The following AIM2 variants were observed in gnomAD, a reference collection of about 807,000 sequenced individuals.
The protein encoded by AIM2 is absent in melanoma 2.
AIM2 carries 30 observed loss-of-function variants against 27.7 expected under a neutral mutation model. That is an observed-to-expected ratio of 1.08 (90% CI 0.81 to 1.47). The LOEUF (loss-of-function observed/expected upper bound fraction) is 1.47. Ranked by LOEUF, AIM2 falls within the 40% of genes most tolerant of loss-of-function variation. The pLI, the probability that AIM2 is intolerant of heterozygous loss-of-function variation, is 0.00. For synonymous variants in AIM2, 141 were observed against 145.3 expected, an observed-to-expected ratio of 0.97 and a Z score of 0.21; for missense variants, 358 against 411.3, an observed-to-expected ratio of 0.87 and a Z score of 1.12.
At chr1:159,128,100 T>C (rs1313338362) in intron 1 of AIM2, among the ~76,000 whole-genome samples, 1 of 152,234 alleles carries the variant, frequency 6.6e-6, no homozygotes, top group Admixed American at 6.5e-5. Context: ...GTCAGGACTT[T>C]GTATGTCTTG....
chr1:159,131,570 A>G (rs545430063), intron 1 of AIM2, among the ~76,000 whole-genome samples: 18 of 152,342 alleles, frequency 1.2e-4, no homozygotes, highest in South Asian at 8.3e-4. Flanking sequence ...CACTATACTC[A>G]GGTTAAGACA....
intron 2 of AIM2, among the ~76,000 whole-genome samples, chr1:159,072,994 G>A (rs12132363): frequency 1.3e-5 from 2 of 152,182 alleles, no homozygotes; most frequent in African/African-American, 4.8e-5. Flanking sequence ...GATGTTAAAT[G>A]GAAGTGGTAA....
chr1:159,065,802 T>A (rs1216710727), intron 4 of AIM2, 108 bp downstream of exon 4: 1 of 1,189,646 alleles, frequency 8.4e-7, no homozygotes, highest in Non-Finnish European at 1.1e-6. Flanking sequence ...TATTTTTTTA[T>A]TTTGTCTATA....
chr1:159,068,784 A>T (rs1045665719), intron 2 of AIM2, 83 bp from the exon 3 acceptor site: 2 of 1,348,118 alleles, frequency 1.5e-6, no homozygotes, highest in Non-Finnish European at 2.0e-6. Context: ...AGGAATAAAT[A>T]CTAAAACCAT....
chr1:159,098,152 T>C (rs1482678169), intron 1 of AIM2, among the ~76,000 whole-genome samples: 1 of 149,790 alleles, frequency 6.7e-6, no homozygotes, highest in African/African-American at 2.5e-5. Context: ...CAAATCCTTT[T>C]GAGACAGAAT....
Position 159,067,863 on chromosome 1 carries a change from G to A in AIM2, c.396+705C>T, listed in dbSNP as rs577751312. The stretch of plus-strand genomic sequence containing the variant: ...GGATTCTGTGCTGGGCCTTTCTAAC[G>A]TTGTCTGCCACTCCCTCAGGACTAA... On this transcript the variant is annotated intron_variant, in intron 3 of 5. Transcript: ENST00000368130. Among the ~76,000 whole-genome samples the A allele has an allele frequency of 5.3e-5, 8 of 152,122 alleles. No homozygotes were observed. The South Asian group carries it at 1.7e-3, about 32-fold the overall frequency.
At chr1:159,139,516 C>A (rs911183941) in intron 1 of AIM2, among the ~76,000 whole-genome samples, 20 of 152,294 alleles carry the variant, frequency 1.3e-4, no homozygotes, top group African/African-American at 4.8e-4. Flanking sequence ...GTAGGAAAGA[C>A]AATATACTCT....
chr1:159,060,102 A>G (rs1269092465), downstream of AIM2, among the ~76,000 whole-genome samples: 1 of 152,232 alleles, frequency 6.6e-6, no homozygotes, highest in African/African-American at 2.4e-5. Flanking sequence ...AAATACCTAT[A>G]TGTGGAATTA....
the AIM2 span, among the ~76,000 whole-genome samples, chr1:159,057,067 A>G: frequency 0.063 from 9,622 of 152,220 alleles, 401 homozygotes; most frequent in African/African-American, 0.12. Flanking sequence ...GCAGATACCC[A>G]TGGTACATGA....
At chr1:159,115,469 C>T (rs1647307782) in intron 1 of AIM2, among the ~76,000 whole-genome samples, 1 of 152,148 alleles carries the variant, frequency 6.6e-6, no homozygotes, top group Non-Finnish European at 1.5e-5. Flanking sequence ...CAGCATGGTA[C>T]TGGTACAAAA....
At chr1:159,079,490 A>G (rs1183405507), upstream of AIM2, among the ~76,000 whole-genome samples, 2 of 152,218 alleles carry the variant, frequency 1.3e-5, no homozygotes, top group Non-Finnish European at 2.9e-5. Context: ...AATTTGATGA[A>G]TGAGAAAGAA....
upstream of AIM2, among the ~76,000 whole-genome samples, chr1:159,144,139 G>A (rs1648162950): frequency 6.6e-6 from 1 of 152,174 alleles, no homozygotes; most frequent in South Asian, 2.1e-4. Flanking sequence ...TCATGAGGCA[G>A]AGTGTTTGTC....
chr1:159,095,712 G>T (rs1657165699), intron 1 of AIM2, among the ~76,000 whole-genome samples: 1 of 152,132 alleles, frequency 6.6e-6, no homozygotes, highest in Admixed American at 6.5e-5. Context: ...AAGGATGCTT[G>T]GAAATCTGTA....
chr1:159,062,238 A>C (rs1283439632), downstream of AIM2, among the ~76,000 whole-genome samples: 1 of 152,204 alleles, frequency 6.6e-6, no homozygotes, highest in Non-Finnish European at 1.5e-5. Flanking sequence ...TTTCTAAATC[A>C]TTGCCCTATG....
At chr1:159,073,764 G>A (rs1570946926) in intron 1 of AIM2, among the ~76,000 whole-genome samples, 1 of 152,248 alleles carries the variant, frequency 6.6e-6, no homozygotes, top group African/African-American at 2.4e-5. Flanking sequence ...AGCTGGGCGC[G>A]GTAGCTCACG....
upstream of AIM2, among the ~76,000 whole-genome samples, chr1:159,141,717 G>GA (rs960973116): frequency 6.6e-6 from 1 of 151,874 alleles, no homozygotes; most frequent in African/African-American, 2.4e-5. Flanking sequence ...CACCAGAACT[G>GA]AAAAAGCACA....
intron 1 of AIM2, chr1:159,132,211 AAAAG>A (rs950236321): frequency 6.6e-6 from 1 of 151,210 alleles, no homozygotes; most frequent in African/African-American, 2.4e-5. Context: ...AAAAAAAAAA[AAAAG>A]AAAATAGCTG....
chr1:159,127,150 C>T (rs760161912), intron 1 of AIM2, among the ~76,000 whole-genome samples: 4 of 152,102 alleles, frequency 2.6e-5, no homozygotes, highest in East Asian at 3.8e-4. Flanking sequence ...GAGGTTCACC[C>T]GAGAGTCTTC....
chr1:159,128,247 A>T (rs1457562344), intron 1 of AIM2, among the ~76,000 whole-genome samples: 1 of 142,992 alleles, frequency 7.0e-6, no homozygotes, highest in Non-Finnish European at 1.5e-5. Flanking sequence ...TTGTCATCTT[A>T]TGTGCCAAGG....
Sources: gnomAD v4.1 joint callset for allele counts (sites outside exome capture counted in the v4.1 genomes callset) on GRCh38, gnomAD v4.1.1 for gene constraint, MANE v1.5 for transcripts, NCBI Gene and HGNC (gene_info 2026-07-23, HGNC 2026-07-21) for gene names.